The following FOXO3 variants were observed in gnomAD, a reference collection of about 807,000 sequenced individuals.
FOXO3 encodes the protein forkhead box protein O3.
In FOXO3, 4 loss-of-function variants were observed where a neutral mutation model predicts 41.9. That is an observed-to-expected ratio of 0.10 (90% CI 0.05 to 0.22). The LOEUF (loss-of-function observed/expected upper bound fraction) is 0.22, where lower values mean the gene tolerates loss of function less well. Ranked by LOEUF, FOXO3 falls within the 10% of genes least tolerant of loss-of-function variation. The pLI, the probability that FOXO3 is intolerant of heterozygous loss-of-function variation, is 1.00. For missense variants in FOXO3, 534 were observed against 906.8 expected (o/e 0.59, Z 5.28); for synonymous variants, 318 against 389.3 (o/e 0.82, Z 2.16).
intron 1 of FOXO3, among the ~76,000 whole-genome samples, chr6:108,643,480 A>T (rs1024045677): frequency 6.6e-6 from 1 of 152,208 alleles, no homozygotes; most frequent in Admixed American, 6.5e-5. Flanking sequence ...TGTGAAGTTA[A>T]TGGGATTGCT....
chr6:108,648,084 TG>T (rs1562256945), intron 1 of FOXO3, among the ~76,000 whole-genome samples: 1 of 152,164 alleles, frequency 6.6e-6, no homozygotes, highest in Non-Finnish European at 1.5e-5. Flanking sequence ...GGGAGAGACC[TG>T]GAAGCACCTC....
At chr6:108,618,225 C>T (rs749161421) in intron 1 of FOXO3, 46 of 826,780 alleles carry the variant, frequency 5.6e-5, no homozygotes, top group Non-Finnish European at 8.7e-5. Context: ...TGCCCCACCA[C>T]CTTCAAATTA....
intron 1 of FOXO3, among the ~76,000 whole-genome samples, chr6:108,570,479 C>T (rs549522222): frequency 3.3e-4 from 50 of 152,224 alleles, no homozygotes; most frequent in Non-Finnish European, 5.7e-4. Context: ...ATGAGCGCCA[C>T]GACACCCAGC....
chr6:108,574,020 G>A (rs1406088139), intron 1 of FOXO3, among the ~76,000 whole-genome samples: 2 of 152,012 alleles, frequency 1.3e-5, no homozygotes, highest in African/African-American at 2.4e-5. Flanking sequence ...GGGCGTGGTG[G>A]CACATGCCTG....
intron 2 of FOXO3, among the ~76,000 whole-genome samples, chr6:108,674,443 G>T (rs1403293559): frequency 6.6e-6 from 1 of 152,202 alleles, no homozygotes; most frequent in Non-Finnish European, 1.5e-5. Context: ...TGCTCTTAAA[G>T]TAGTAGGTGC....
At position 108,588,614 on chromosome 6, in the gene FOXO3, A is replaced by G. The variant is rs183057411; in HGVS notation, c.621+26785A>G. ...CCTAGATTCCTTCTCACTCCCCAAA[A>G]GGCAGAGGTTAAGAAGAAAGTTAAA... On this transcript the variant is annotated intron_variant, in intron 1 of 2. Transcript: ENST00000406360. 2.7e-3 allele frequency among the ~76,000 whole-genome samples: 408 copies of G among 152,296 alleles called. 1 individual carries two copies. The highest frequency in any genetic ancestry group is 9.5e-3 in the African/African-American group (393 of 41,542).
chr6:108,636,266 C>T (rs1778117741), intron 1 of FOXO3, among the ~76,000 whole-genome samples: 1 of 152,148 alleles, frequency 6.6e-6, no homozygotes, highest in Non-Finnish European at 1.5e-5. Flanking sequence ...TGAGCTTGTG[C>T]AGTATGCACA....
chr6:108,575,832 C>A (rs955544476), intron 1 of FOXO3, among the ~76,000 whole-genome samples: 1 of 152,164 alleles, frequency 6.6e-6, no homozygotes, highest in South Asian at 2.1e-4. Context: ...AGACTAATAA[C>A]ATTTTGAGCA....
intron 1 of FOXO3, among the ~76,000 whole-genome samples, chr6:108,596,558 G>C (rs1342003534): frequency 5.9e-5 from 9 of 152,142 alleles, no homozygotes; most frequent in Non-Finnish European, 1.0e-4. Flanking sequence ...GAATGAGAAA[G>C]TTTAAGCAGG....
intron 1 of FOXO3, among the ~76,000 whole-genome samples, chr6:108,589,590 C>G (rs1776677340): frequency 6.6e-6 from 1 of 152,224 alleles, no homozygotes; most frequent in Admixed American, 6.5e-5. Flanking sequence ...TGCAGACTTG[C>G]AGGTCCACTC....
intron 2 of FOXO3, among the ~76,000 whole-genome samples, chr6:108,676,393 C>T (rs546419584): frequency 7.2e-5 from 11 of 151,936 alleles, no homozygotes; most frequent in Non-Finnish European, 1.2e-4. Context: ...ATTTTGAGAC[C>T]GGGTTATGAG....
intron 1 of FOXO3, among the ~76,000 whole-genome samples, chr6:108,598,575 C>T (rs146761506): frequency 4.6e-5 from 7 of 152,228 alleles, no homozygotes; most frequent in South Asian, 2.1e-4. Flanking sequence ...AACAAAGTTA[C>T]GCACAACATG....
intron 2 of FOXO3, among the ~76,000 whole-genome samples, chr6:108,667,415 A>C (rs1779095941): frequency 6.6e-6 from 1 of 152,242 alleles, no homozygotes; most frequent in African/African-American, 2.4e-5. Context: ...ATAGGCTTTT[A>C]AAGACACAAG....
intron 1 of FOXO3, among the ~76,000 whole-genome samples, chr6:108,603,544 C>CT (rs1206907941): frequency 6.6e-6 from 1 of 151,878 alleles, no homozygotes; most frequent in Non-Finnish European, 1.5e-5. Context: ...GTGATTTTAA[C>CT]TTTAAGTGTC....
At chr6:108,655,105 C>G (rs758270055) in intron 1 of FOXO3, among the ~76,000 whole-genome samples, 15 of 152,212 alleles carry the variant, frequency 9.9e-5, no homozygotes, top group Non-Finnish European at 2.1e-4. Flanking sequence ...TTGGCTATAT[C>G]AATTCCTAGT....
chr6:108,586,903 T>C (rs997859697), intron 1 of FOXO3, among the ~76,000 whole-genome samples: 5 of 151,086 alleles, frequency 3.3e-5, no homozygotes, highest in Admixed American at 3.3e-4. Context: ...TAACATTTAT[T>C]GAGCACCATT....
chr6:108,612,448 G>C (rs998926051), intron 1 of FOXO3, among the ~76,000 whole-genome samples: 3 of 152,076 alleles, frequency 2.0e-5, no homozygotes, highest in African/African-American at 7.2e-5. Flanking sequence ...GGGAGGCTGA[G>C]GTGGGCAGAT....
intron 1 of FOXO3, among the ~76,000 whole-genome samples, chr6:108,569,430 G>C (rs973855548): frequency 6.6e-6 from 1 of 152,198 alleles, no homozygotes; most frequent in Non-Finnish European, 1.5e-5. Flanking sequence ...AGAGTACTGT[G>C]ATGTACCACT....
At chr6:108,592,033 A>G (rs892424932) in intron 1 of FOXO3, among the ~76,000 whole-genome samples, 9 of 152,234 alleles carry the variant, frequency 5.9e-5, no homozygotes, top group Non-Finnish European at 1.2e-4. Flanking sequence ...GAGAGTAACT[A>G]TTGTTTGATT....
Sources: gnomAD v4.1 joint callset for allele counts (sites outside exome capture counted in the v4.1 genomes callset) on GRCh38, gnomAD v4.1.1 for gene constraint, MANE v1.5 for transcripts, NCBI Gene and HGNC (gene_info 2026-07-23, HGNC 2026-07-21) for gene names.